Variants in ANKFN1 observed in about 807,000 individuals in gnomAD.
The protein encoded by ANKFN1 is ankyrin repeat and fibronectin type III domain containing 1, also known as ankyrin repeat and fibronectin type-III domain-containing protein 1.
A neutral mutation model predicts 108.7 loss-of-function variants in ANKFN1; 74 were observed. The ratio of observed to expected loss-of-function variants is 0.68; its 90% CI spans 0.56 to 0.83. The LOEUF (loss-of-function observed/expected upper bound fraction) is 0.83, where lower values mean the gene tolerates loss of function less well. Among genes scored for constraint, ANKFN1 ranks in the 40% least tolerant of loss-of-function variants. The pLI is 0.00. For missense variants in ANKFN1, 1,505 were observed against 1,382.3 expected, an observed-to-expected ratio of 1.09 and a Z score of -1.41; for synonymous variants, 547 against 516.2, an observed-to-expected ratio of 1.06 and a Z score of -0.81.
chr17:56,388,928 T>A (rs1240523431), intron 8 of ANKFN1, among the ~76,000 whole-genome samples: 1 of 152,032 alleles, frequency 6.6e-6, no homozygotes. Context: ...TGGCAAGGAT[T>A]TGGAGAAACT....
At chr17:56,509,324 A>C (rs1019622394) in intron 20 of ANKFN1, among the ~76,000 whole-genome samples, 3 of 152,232 alleles carry the variant, frequency 2.0e-5, no homozygotes, top group Admixed American at 2.0e-4. Flanking sequence ...TCTTCAGGCA[A>C]CAAGCTCTAT....
chr17:56,067,525 T>G (rs1905075188), intron 4 of ANKFN1, among the ~76,000 whole-genome samples: 1 of 152,130 alleles, frequency 6.6e-6, no homozygotes, highest in Non-Finnish European at 1.5e-5. Context: ...CCCTAAGACC[T>G]AAGTCAAGAA....
chr17:56,269,000 C>T (rs568097844), intron 3 of ANKFN1, among the ~76,000 whole-genome samples: 45 of 152,278 alleles, frequency 3.0e-4, no homozygotes, highest in Non-Finnish European at 5.7e-4. Context: ...GCTAAGAATG[C>T]ACCTTATTCT....
intron 4 of ANKFN1, among the ~76,000 whole-genome samples, chr17:56,081,340 T>TTATGTATG (rs570296159): frequency 2.6e-5 from 4 of 151,600 alleles, no homozygotes; most frequent in Non-Finnish European, 4.4e-5. Context: ...ATTTGTTTAT[T>TTATGTATG]TATTTATTTA....
At chr17:56,414,778 G>A (rs1481436924) in intron 8 of ANKFN1, among the ~76,000 whole-genome samples, 4 of 152,142 alleles carry the variant, frequency 2.6e-5, no homozygotes, top group East Asian at 1.9e-4. Flanking sequence ...CCAGCATTTG[G>A]AAGGCCGAGA....
chr17:56,128,375 G>A (rs571163020), intron 4 of ANKFN1, among the ~76,000 whole-genome samples: 9 of 152,292 alleles, frequency 5.9e-5, no homozygotes, highest in African/African-American at 1.9e-4. Context: ...TGAAGTGGGT[G>A]AAAGACTTGC....
At chr17:56,161,518 A>G (rs1055598624) in intron 1 of ANKFN1, among the ~76,000 whole-genome samples, 3 of 152,212 alleles carry the variant, frequency 2.0e-5, no homozygotes, top group Non-Finnish European at 4.4e-5. Flanking sequence ...ACAAACTTAT[A>G]CAGGCTGTAT....
intron 3 of ANKFN1, among the ~76,000 whole-genome samples, chr17:56,310,110 T>G (rs2044968559): frequency 6.7e-6 from 1 of 148,606 alleles, no homozygotes; most frequent in South Asian, 2.1e-4. Flanking sequence ...ACCACATGGA[T>G]ACGCTGGACA....
chr17:56,270,294 C>T (rs2043759863), intron 3 of ANKFN1, among the ~76,000 whole-genome samples: 1 of 152,156 alleles, frequency 6.6e-6, no homozygotes, highest in Non-Finnish European at 1.5e-5. Flanking sequence ...GCAGCTTGCC[C>T]ATGACCAGGC....
chr17:56,368,097 G>T, intron 6 of ANKFN1: 1 of 1,080,894 alleles, frequency 9.3e-7, no homozygotes, highest in African/African-American at 1.6e-5. Context: ...TTACACTTCT[G>T]TAACACCAGA....
intron 1 of ANKFN1, among the ~76,000 whole-genome samples, chr17:56,178,840 C>T (rs1911414551): frequency 1.3e-5 from 2 of 152,130 alleles, no homozygotes; most frequent in South Asian, 4.2e-4. Context: ...ATTTGCCAAA[C>T]CTATTTGAAC....
rs187206298 is a variant in ANKFN1 at position 56,062,285 on chromosome 17, T to C, written c.288+15960T>C. On this transcript the variant is annotated intron_variant, in intron 4 of 12. Coordinates refer to the ANKFN1 transcript ENST00000635860. ...AGCTGAGTTCAAGTCCCAAATATCC[T>C]TGCTAATTTTCTCTCTCATTGATCT... Among the ~76,000 whole-genome samples, 17 of 152,310 alleles carry C rather than the reference T, an allele frequency of 1.1e-4. No homozygotes were observed. The East Asian group carries it at 2.3e-3, about 21-fold the overall frequency.
At chr17:56,385,218 G>A (rs888395929) in intron 8 of ANKFN1, among the ~76,000 whole-genome samples, 48 of 152,230 alleles carry the variant, frequency 3.2e-4, no homozygotes, top group Admixed American at 2.2e-3. Context: ...AAGCAATGGG[G>A]AAAGGATTCC....
chr17:56,466,620 C>G, intron 15 of ANKFN1, 49 bp downstream of exon 15: 7 of 1,487,944 alleles, frequency 4.7e-6, no homozygotes, highest in Non-Finnish European at 6.4e-6. Context: ...GTTCCAAACC[C>G]AATTATTGAA....
intron 3 of ANKFN1, among the ~76,000 whole-genome samples, chr17:56,314,345 C>T (rs888875603): frequency 1.3e-5 from 2 of 152,120 alleles, no homozygotes; most frequent in Non-Finnish European, 2.9e-5. Context: ...AAAAGACTGT[C>T]AAACAGTTCT....
chr17:56,084,416 C>G lies in ANKFN1; in HGVS notation c.288+38091C>G, dbSNP rs988797482. Among the ~76,000 whole-genome samples, 3 of 151,346 alleles carry G rather than the reference C, an allele frequency of 2.0e-5. No homozygotes were observed. The East Asian group carries it at 5.8e-4, about 29-fold the overall frequency. On this transcript the variant is annotated intron_variant, in intron 4 of 12. Transcript: ENST00000635860. ...ATTGTGTGAATAAAGACCTGATTTT[C>G]CCTGTAAGACACATTTGGTTTTTCT...
chr17:56,179,486 A>AG (rs1255304521), intron 1 of ANKFN1, among the ~76,000 whole-genome samples: 1 of 152,022 alleles, frequency 6.6e-6, no homozygotes, highest in Non-Finnish European at 1.5e-5. Context: ...AAAGTGCTAG[A>AG]GGGGGGATAA....
chr17:56,186,439 G>C (rs913385271), intron 1 of ANKFN1, among the ~76,000 whole-genome samples: 1 of 151,910 alleles, frequency 6.6e-6, no homozygotes, highest in Non-Finnish European at 1.5e-5. Flanking sequence ...GTTCAAGAGA[G>C]GTTAAGCGGC....
chr17:56,383,028 T>C (rs1278364676), intron 8 of ANKFN1, among the ~76,000 whole-genome samples: 3 of 152,114 alleles, frequency 2.0e-5, no homozygotes, highest in Non-Finnish European at 2.9e-5. Context: ...GAATATACAT[T>C]TTCTTCAGCA....
Sources: gnomAD v4.1 joint callset for allele counts (sites outside exome capture counted in the v4.1 genomes callset) on GRCh38, gnomAD v4.1.1 for gene constraint, MANE v1.5 for transcripts, NCBI Gene and HGNC (gene_info 2026-07-23, HGNC 2026-07-21) for gene names.